LRRC74A: variants seen among roughly 807,000 people sequenced by gnomAD.
LRRC74A encodes the protein leucine-rich repeat-containing protein 74A.
Under a neutral mutation model 57.9 loss-of-function variants are expected in LRRC74A, and 44 were observed. The observed-to-expected ratio is 0.76, with a 90% CI of 0.60 to 0.98. LRRC74A has a LOEUF of 0.98. LRRC74A is among the 50% of genes least tolerant of loss of function. The probability of loss-of-function intolerance (pLI) is 0.00; values close to 1 mark genes in which losing one functional copy is unlikely to be tolerated. For synonymous variants in LRRC74A, 211 were observed against 219.4 expected (o/e 0.96, Z 0.34); for missense variants, 572 against 574.0 (o/e 1.00, Z 0.04).
chr14:76,848,986 T>C (rs1462088528), intron 7 of LRRC74A, among the ~76,000 whole-genome samples: 1 of 152,158 alleles, frequency 6.6e-6, no homozygotes, highest in African/African-American at 2.4e-5. Context: ...GATCTTCAGC[T>C]GAAAGTTCAG....
intron 7 of LRRC74A, among the ~76,000 whole-genome samples, chr14:76,850,210 A>AAAAAC (rs1286088687): frequency 1.3e-5 from 2 of 152,210 alleles, no homozygotes; most frequent in African/African-American, 2.4e-5. Context: ...CCCGTCTCAA[A>AAAAAC]AAAACAAAAC....
chr14:76,844,348 G>T, intron 5 of LRRC74A, 75 bp from the exon 6 acceptor site: 1 of 1,352,250 alleles, frequency 7.4e-7, no homozygotes, highest in South Asian at 1.2e-5. Context: ...GAAGTGGACT[G>T]GGAGGGGCAG....
chr14:76,840,024 C>T (rs1027206410), intron 5 of LRRC74A, among the ~76,000 whole-genome samples: 1 of 152,316 alleles, frequency 6.6e-6, no homozygotes, highest in East Asian at 1.9e-4. Flanking sequence ...ACACCGTGCC[C>T]AGCCTGTTTA....
At chr14:76,844,593 G>GT (rs1896997690) in intron 6 of LRRC74A, 121 bp downstream of exon 6, 4 of 1,044,418 alleles carry the variant, frequency 3.8e-6, no homozygotes, top group Admixed American at 4.2e-5. Flanking sequence ...ACTGGGGAGT[G>GT]TTTAGACCCT....
rs562912455 is a variant in LRRC74A, at chr14:76,861,635, T to C, written c.1200+796T>C. Among the ~76,000 whole-genome samples the C allele has an allele frequency of 3.3e-5, 5 of 152,354 alleles. No homozygotes were observed. The South Asian group carries it at 8.3e-4, about 25-fold the overall frequency. ...AGCTCTGGCAATCACAGGAGGCAGA[T>C]GTAACAGTGGAAATACAAAATCAGA... On this transcript the variant is annotated intron_variant, in intron 11 of 13. Transcript: ENST00000689127.
At chr14:76,865,817 G>A (rs1882842) in intron 11 of LRRC74A, 151 bp from the exon 12 acceptor site, 164,313 of 613,556 alleles carry the variant, frequency 0.27, 23,636 homozygotes, top group East Asian at 0.4. Flanking sequence ...CCCAACACCC[G>A]GGAGACGCAG....
chr14:76,868,883 G>A (rs1376053710), intron 13 of LRRC74A, among the ~76,000 whole-genome samples: 1 of 152,270 alleles, frequency 6.6e-6, no homozygotes, highest in Non-Finnish European at 1.5e-5. Flanking sequence ...TTTAAAATGA[G>A]GAGATAACCG....
intron 5 of LRRC74A, among the ~76,000 whole-genome samples, chr14:76,840,607 C>T (rs1169378838): frequency 2.4e-4 from 31 of 126,866 alleles, no homozygotes; most frequent in African/African-American, 8.4e-4. Context: ...TTTTTTGAGA[C>T]GGAGTCTCAC....
intron 8 of LRRC74A, 98 bp from the exon 9 acceptor site, chr14:76,853,118 C>G (rs1483418771): frequency 1.7e-6 from 2 of 1,159,218 alleles, no homozygotes; most frequent in Non-Finnish European, 2.5e-6. Flanking sequence ...ACTGAGCACC[C>G]GGTCTGGATG....
chr14:76,868,045 G>A (rs549493396), intron 13 of LRRC74A, among the ~76,000 whole-genome samples: 28 of 152,272 alleles, frequency 1.8e-4, no homozygotes, highest in Non-Finnish European at 3.4e-4. Context: ...ATAAGTCCCC[G>A]CCACATGCCT....
At chr14:76,854,384 G>C (rs1007804156) in intron 9 of LRRC74A, among the ~76,000 whole-genome samples, 35 of 152,206 alleles carry the variant, frequency 2.3e-4, no homozygotes, top group African/African-American at 7.7e-4. Context: ...AAGGTGGGTG[G>C]ATCGCTTGAG....
In LRRC74A at chr14:76,866,050, A is replaced by G; in HGVS notation, c.1283A>G (p.Asp428Gly). 1.9e-6 allele frequency: 3 copies of G among 1,584,618 alleles called. No homozygotes were observed. The highest frequency in any genetic ancestry group is 2.6e-6 in the Non-Finnish European group (3 of 1,157,240). Residue 428 changes from aspartate (D) to glycine (G), a missense_variant, in exon 12 of 14, where the codon GAT becomes GGT. Asp to Gly is a moderately conservative substitution (Grantham distance 94). Coordinates refer to ENST00000689127, the MANE Select transcript of LRRC74A (RefSeq NM_001385106.1). The stretch of plus-strand genomic sequence containing the variant: ...ACTGGGACAATGAAGATGTCTGTGG[A>G]TGAGTTCCAGAAAGTGATGATAGAG... Reference protein sequence around the residue: ...NPTGTMKMSVDEFQKVMIEQN... With the variant: ...NPTGTMKMSVGEFQKVMIEQN...
In LRRC74A at chr14:76,870,191, C is replaced by T. The variant is rs1238204142; in HGVS notation, c.*42C>T. 3 of 1,595,310 alleles carry T rather than the reference C, an allele frequency of 1.9e-6. No individual in the cohort carries two copies. The highest frequency in any genetic ancestry group is 2.7e-5 in the African/African-American group (2 of 74,630). ...GAAAGAAGTCTCGGCGAGAGGAGTCCTCGCAAGTCGGATGGTGGCAGGGAG... is the reference window on the plus strand; with the variant it reads ...GAAAGAAGTCTCGGCGAGAGGAGTCTTCGCAAGTCGGATGGTGGCAGGGAG... On this transcript the variant is annotated 3_prime_UTR_variant, in exon 14 of 14. Coordinates refer to ENST00000689127, the MANE Select transcript of LRRC74A (RefSeq NM_001385106.1).
intron 9 of LRRC74A, among the ~76,000 whole-genome samples, chr14:76,853,881 G>A (rs940562669): frequency 2.6e-5 from 4 of 152,142 alleles, no homozygotes; most frequent in Non-Finnish European, 4.4e-5. Flanking sequence ...GCCTCCGAAA[G>A]TGCTGGGATT....
chr14:76,864,741 C>G (rs534769386), intron 11 of LRRC74A, among the ~76,000 whole-genome samples: 2 of 152,254 alleles, frequency 1.3e-5, no homozygotes, highest in African/African-American at 4.8e-5. Flanking sequence ...GTAATCCCAG[C>G]TACCCGGGAG....
At position 76,844,428 on chromosome 14, in the gene LRRC74A, G is replaced by T; in HGVS notation, c.550G>T (p.Asp184Tyr). 1.2e-6 allele frequency: 2 copies of T among 1,612,530 alleles called. No individual in the cohort carries two copies. The highest frequency in any genetic ancestry group is 1.1e-5 in the South Asian group (1 of 90,592). Residue 184 changes from aspartate (D) to tyrosine (Y), a missense_variant, in exon 6 of 14, where the codon GAC becomes TAC. Physicochemically the swap from Asp to Tyr is radical, Grantham distance 160. Coordinates refer to ENST00000689127, the MANE Select transcript of LRRC74A (RefSeq NM_001385106.1). ...SIWSLELSGN[D>Y]FKEDSAALLC... The stretch of plus-strand genomic sequence containing the variant: ...ACACACCACCCTCACTACAGGAAAT[G>T]ACTTCAAGGAAGACTCCGCAGCACT...
rs748913592 is a variant in LRRC74A, at chr14:76,836,298, A to G, written c.431A>G (p.Tyr144Cys). 3 of 1,611,156 alleles carry G rather than the reference A, an allele frequency of 1.9e-6. No individual in the cohort carries two copies. Among genetic ancestry groups the G allele is most frequent in the Non-Finnish European group, 2.5e-6 (3 of 1,177,758 alleles). Reference sequence around the variant, plus strand: ...CTGGTGGAGATGCTACAAGAGAACTACTACCTCCAGGAGATGGTACTGTGC... The same window carrying G: ...CTGGTGGAGATGCTACAAGAGAACTGCTACCTCCAGGAGATGGTACTGTGC... ...LSLVEMLQENYYLQEMNISNN... is the reference protein window; with the variant it reads ...LSLVEMLQENCYLQEMNISNN... The change falls in exon 4 of 14, where the codon TAC (tyrosine) becomes TGC (cysteine). Residue 144 changes from tyrosine (Y) to cysteine (C), a missense_variant. Tyr to Cys is a radical substitution (Grantham distance 194). Coordinates refer to ENST00000689127, the MANE Select transcript of LRRC74A (RefSeq NM_001385106.1).
chr14:76,827,960 C>T (rs1164429363), intron 1 of LRRC74A, among the ~76,000 whole-genome samples: 1 of 152,170 alleles, frequency 6.6e-6, no homozygotes, highest in East Asian at 1.9e-4. Flanking sequence ...ACAGCACACC[C>T]CAAAACCCAC....
chr14:76,838,703 T>A (rs1282912010), intron 5 of LRRC74A, among the ~76,000 whole-genome samples: 2 of 152,214 alleles, frequency 1.3e-5, no homozygotes, highest in African/African-American at 4.8e-5. Context: ...TGAAAAACCA[T>A]TAACACACAG....
Sources: gnomAD v4.1 joint callset for allele counts (sites outside exome capture counted in the v4.1 genomes callset) on GRCh38, gnomAD v4.1.1 for gene constraint, MANE v1.5 for transcripts, NCBI Gene and HGNC (gene_info 2026-07-23, HGNC 2026-07-21) for gene names.